ELAPOR1: variants seen among roughly 807,000 people sequenced by gnomAD.
The protein encoded by ELAPOR1 is endosome/lysosome-associated apoptosis and autophagy regulator 1.
Under a neutral mutation model 119.7 loss-of-function variants are expected in ELAPOR1, and 77 were observed. That is an observed-to-expected ratio of 0.64 (90% CI 0.54 to 0.78). ELAPOR1 has a LOEUF of 0.78. Among genes scored for constraint, ELAPOR1 ranks in the 30% least tolerant of loss-of-function variants. The probability of loss-of-function intolerance (pLI) is 0.00; values close to 1 mark genes in which losing one functional copy is unlikely to be tolerated. For synonymous variants in ELAPOR1, 481 were observed against 487.2 expected (o/e 0.99, Z 0.17); for missense variants, 1,115 against 1,270.4 (o/e 0.88, Z 1.86).
At position 109,202,483 on chromosome 1, in the gene ELAPOR1, C is replaced by T. The variant is rs2101152207; in HGVS notation, c.2974-461C>T. Among the ~76,000 whole-genome samples the T allele has an allele frequency of 2.0e-5, 3 of 151,590 alleles. 1 individual carries two copies. The highest frequency in any genetic ancestry group is 2.1e-4 in the South Asian group (1 of 4,794). On this transcript the variant is annotated intron_variant, in intron 21 of 21. Transcript: ENST00000369939. ...TGAGACAGAGTTTCGCTCTTGTTGC[C>T]CAGGCTGGAGTGCAGTGGCATGATC...
chr1:109,184,110 C>T (rs1652908857), intron 7 of ELAPOR1, among the ~76,000 whole-genome samples: 1 of 151,894 alleles, frequency 6.6e-6, no homozygotes, highest in Admixed American at 6.6e-5. Flanking sequence ...GGTGGCTCAC[C>T]CCTGTAATTC....
chr1:109,164,419 C>A, intron 2 of ELAPOR1, 80 bp from the exon 3 acceptor site: 1 of 1,279,634 alleles, frequency 7.8e-7, no homozygotes, highest in South Asian at 1.3e-5. Context: ...AGCGCTCCTC[C>A]CTTCAGCTGC....
Position 109,188,312 on chromosome 1 carries a change from A to T in ELAPOR1, c.1177A>T (p.Thr393Ser). 1 of 1,613,702 alleles carries T rather than the reference A, an allele frequency of 6.2e-7. No homozygotes were observed. The highest frequency in any genetic ancestry group is 8.5e-7 in the Non-Finnish European group (1 of 1,179,908). ...AGGCTTCTTCAAAACCAACAACAGC[A>T]CCTGCCAGCCCTGCCCATATGGTTC... Reference protein sequence around the residue: ...NPGFFKTNNSTCQPCPYGSYS... With the variant: ...NPGFFKTNNSSCQPCPYGSYS... The change falls in exon 9 of 22, where the codon ACC becomes TCC. Residue 393 changes from threonine (T) to serine (S), a missense_variant. Transcript: ENST00000369939.
chr1:109,150,126 G>A (rs1479326770), intron 1 of ELAPOR1, among the ~76,000 whole-genome samples: 2 of 152,206 alleles, frequency 1.3e-5, no homozygotes, highest in African/African-American at 2.4e-5. Context: ...ACTGGACAAC[G>A]TGGTCAAGGT....
intron 1 of ELAPOR1, among the ~76,000 whole-genome samples, chr1:109,117,599 T>C (rs1298273471): frequency 6.6e-6 from 1 of 152,182 alleles, no homozygotes; most frequent in South Asian, 2.1e-4. Flanking sequence ...AAATTCCTGA[T>C]CTGTGAAATG....
chr1:109,131,386 G>A (rs1649140120), intron 1 of ELAPOR1, among the ~76,000 whole-genome samples: 1 of 152,180 alleles, frequency 6.6e-6, no homozygotes, highest in Non-Finnish European at 1.5e-5. Flanking sequence ...TCCAGGGGAG[G>A]AGGATGAAGC....
In ELAPOR1 at chr1:109,203,531, A is replaced by T. The variant is rs17034497; in HGVS notation, c.*519A>T. On this transcript the variant is annotated 3_prime_UTR_variant, in exon 22 of 22. Coordinates refer to ENST00000369939, the MANE Select transcript of ELAPOR1 (RefSeq NM_020775.5). Reference sequence around the variant, plus strand: ...GATAACCAGCTCAAAGGGAGTGAAAATGGTAGTCTGAGGGCAAGGGGAGCA... The same window carrying T: ...GATAACCAGCTCAAAGGGAGTGAAATTGGTAGTCTGAGGGCAAGGGGAGCA... 1,491 of 152,690 alleles carry T rather than the reference A, an allele frequency of 9.8e-3. 26 individuals are homozygous for T. Among genetic ancestry groups the T allele is most frequent in the African/African-American group, 0.034 (1,406 of 41,490 alleles). 9.5% of individuals were successfully genotyped at this position (152,690 alleles called of 1,614,324 possible). A position where few individuals can be genotyped will look rare whatever the true frequency, so the allele number is the denominator to read the frequency against.
chr1:109,198,356 C>T (rs983608507), intron 17 of ELAPOR1, among the ~76,000 whole-genome samples: 1 of 152,232 alleles, frequency 6.6e-6, no homozygotes, highest in Admixed American at 6.5e-5. Context: ...CTAGCCATGA[C>T]TTTCCTAAAC....
intron 1 of ELAPOR1, among the ~76,000 whole-genome samples, chr1:109,145,472 A>G (rs764657237): frequency 2.0e-5 from 3 of 152,098 alleles, no homozygotes; most frequent in Non-Finnish European, 4.4e-5. Context: ...CATGGTCAAC[A>G]TGGCGAAACC....
At chr1:109,165,799 C>T (rs574232946) in intron 3 of ELAPOR1, among the ~76,000 whole-genome samples, 91 of 148,306 alleles carry the variant, frequency 6.1e-4, no homozygotes, top group African/African-American at 2.1e-3. Flanking sequence ...GGCTGGAGTG[C>T]AGTGGTGCCA....
At chr1:109,127,297 C>T (rs1460606803) in intron 1 of ELAPOR1, among the ~76,000 whole-genome samples, 1 of 150,230 alleles carries the variant, frequency 6.7e-6, no homozygotes, top group African/African-American at 2.5e-5. Flanking sequence ...TCACTGCAAC[C>T]TCCACCTCCC....
chr1:109,201,477 A>C (rs1654172206), intron 21 of ELAPOR1: 1 of 413,428 alleles, frequency 2.4e-6, no homozygotes, highest in Admixed American at 2.5e-5. Context: ...TGGGGCCAGC[A>C]GACAGCATAC....
intron 1 of ELAPOR1, among the ~76,000 whole-genome samples, chr1:109,159,076 T>A (rs985024936): frequency 6.6e-6 from 1 of 152,084 alleles, no homozygotes; most frequent in Non-Finnish European, 1.5e-5. Flanking sequence ...GTATTTTTAG[T>A]AGAGACAGAG....
At chr1:109,120,542 A>G (rs1290173333) in intron 1 of ELAPOR1, among the ~76,000 whole-genome samples, 2 of 152,130 alleles carry the variant, frequency 1.3e-5, no homozygotes, top group Non-Finnish European at 2.9e-5. Context: ...TTGATCTTGG[A>G]CTTCCCAGCC....
intron 2 of ELAPOR1, 125 bp downstream of exon 2, chr1:109,162,139 C>A: frequency 9.5e-7 from 1 of 1,047,162 alleles, no homozygotes. Context: ...ATCTTTTCCC[C>A]AATTAGTCCC....
intron 1 of ELAPOR1, among the ~76,000 whole-genome samples, chr1:109,118,485 G>C (rs932884286): frequency 6.6e-6 from 1 of 152,198 alleles, no homozygotes; most frequent in Non-Finnish European, 1.5e-5. Context: ...CAACAGATGA[G>C]AGCAGAGAGA....
chr1:109,178,697 G>A (rs990199560), intron 7 of ELAPOR1, among the ~76,000 whole-genome samples: 1 of 152,198 alleles, frequency 6.6e-6, no homozygotes, highest in Admixed American at 6.5e-5. Flanking sequence ...GGGTGTGGCG[G>A]CTCACGCCTG....
intron 1 of ELAPOR1, among the ~76,000 whole-genome samples, chr1:109,159,622 G>A (rs1277130811): frequency 6.6e-6 from 1 of 152,180 alleles, no homozygotes; most frequent in African/African-American, 2.4e-5. Flanking sequence ...GTCTATAAGG[G>A]TGGAGGAGGA....
At chr1:109,177,543 G>A (rs1167841915) in intron 7 of ELAPOR1, among the ~76,000 whole-genome samples, 1 of 146,586 alleles carries the variant, frequency 6.8e-6, no homozygotes, top group African/African-American at 2.6e-5. Flanking sequence ...CGGGGTGGCG[G>A]CCGGGCAGAG....
Sources: gnomAD v4.1 joint callset for allele counts (sites outside exome capture counted in the v4.1 genomes callset) on GRCh38, gnomAD v4.1.1 for gene constraint, MANE v1.5 for transcripts, NCBI Gene and HGNC (gene_info 2026-07-23, HGNC 2026-07-21) for gene names.